DNAJC5B: variants seen among roughly 807,000 people sequenced by gnomAD.
DNAJC5B encodes the protein dnaJ homolog subfamily C member 5B.
Under a neutral mutation model 24.7 loss-of-function variants are expected in DNAJC5B, and 23 were observed. That is an observed-to-expected ratio of 0.93 (90% CI 0.67 to 1.32). The LOEUF (loss-of-function observed/expected upper bound fraction) is 1.32. Among genes scored for constraint, DNAJC5B ranks in the 40% most tolerant of loss-of-function variants. The pLI is 0.00. For synonymous variants in DNAJC5B, 101 were observed against 90.1 expected (o/e 1.12, Z -0.68); for missense variants, 238 against 240.8 (o/e 0.99, Z 0.08).
chr8:66,079,141 G>A (rs954240205), intron 4 of DNAJC5B, among the ~76,000 whole-genome samples: 1 of 152,144 alleles, frequency 6.6e-6, no homozygotes, highest in East Asian at 1.9e-4. Flanking sequence ...AACAAACAGC[G>A]AGCAAACCTT....
the DNAJC5B span, among the ~76,000 whole-genome samples, chr8:66,015,576 A>G: frequency 6.6e-6 from 1 of 151,960 alleles, no homozygotes; most frequent in African/African-American, 2.4e-5. Flanking sequence ...AGAGAGAGAC[A>G]GAGACAGAGA....
chr8:66,020,652 G>GTGTT (rs1806093271), upstream of DNAJC5B, among the ~76,000 whole-genome samples: 1 of 135,020 alleles, frequency 7.4e-6, no homozygotes, highest in African/African-American at 2.7e-5. Flanking sequence ...GTGTGTGTGT[G>GTGTT]TTTTAGACAA....
chr8:66,030,952 A>C (rs1806347661), intron 1 of DNAJC5B, among the ~76,000 whole-genome samples: 2 of 152,218 alleles, frequency 1.3e-5, no homozygotes, highest in Admixed American at 1.3e-4. Flanking sequence ...GAGGCTGCTC[A>C]CAGTCCTCCC....
chr8:66,035,907 C>A (rs1349576522), intron 1 of DNAJC5B, among the ~76,000 whole-genome samples: 1 of 152,158 alleles, frequency 6.6e-6, no homozygotes, highest in African/African-American at 2.4e-5. Context: ...ACCTCCAGCA[C>A]ATGTTTTCTT....
intron 3 of DNAJC5B, among the ~76,000 whole-genome samples, chr8:66,052,024 G>A (rs1033365981): frequency 3.3e-5 from 5 of 151,922 alleles, no homozygotes; most frequent in African/African-American, 1.2e-4. Flanking sequence ...GAGTGCAGTG[G>A]TGCAATCTTG....
chr8:66,039,430 C>T (rs753725933), intron 1 of DNAJC5B, among the ~76,000 whole-genome samples: 1 of 150,466 alleles, frequency 6.6e-6, no homozygotes, highest in Non-Finnish European at 1.5e-5. Context: ...CTCACTGCAA[C>T]CTCTGCCTCC....
chr8:66,049,541 T>A (rs974949588), intron 2 of DNAJC5B, among the ~76,000 whole-genome samples: 5 of 152,224 alleles, frequency 3.3e-5, no homozygotes, highest in Non-Finnish European at 7.3e-5. Context: ...CTATACCATA[T>A]AGCCTTGGTG....
chr8:66,032,804 C>A (rs1806387568), intron 1 of DNAJC5B, among the ~76,000 whole-genome samples: 1 of 152,176 alleles, frequency 6.6e-6, no homozygotes, highest in South Asian at 2.1e-4. Context: ...TCCTCATTTT[C>A]CATTTCCACT....
At chr8:66,036,600 G>A (rs919651224) in intron 1 of DNAJC5B, among the ~76,000 whole-genome samples, 1 of 152,122 alleles carries the variant, frequency 6.6e-6, no homozygotes, top group Non-Finnish European at 1.5e-5. Flanking sequence ...CAGGCACATG[G>A]AAAATCAAGG....
At chr8:66,090,283 T>TGGG (rs1807820851) in intron 5 of DNAJC5B, among the ~76,000 whole-genome samples, 3 of 122,114 alleles carry the variant, frequency 2.5e-5, no homozygotes, top group African/African-American at 2.9e-5. Flanking sequence ...GTGTGTGTGG[T>TGGG]AGAGAGAGAG....
At chr8:66,091,791 C>A (rs1586119109) in intron 5 of DNAJC5B, among the ~76,000 whole-genome samples, 1 of 151,726 alleles carries the variant, frequency 6.6e-6, no homozygotes, top group Middle Eastern at 3.4e-3. Flanking sequence ...GTGAAAAATG[C>A]AAAAATATAG....
intron 5 of DNAJC5B, 83 bp downstream of exon 5, chr8:66,080,631 T>C (rs1036678444): frequency 6.3e-6 from 8 of 1,268,866 alleles, no homozygotes; most frequent in Non-Finnish European, 7.4e-6. Context: ...CAGCTATCAC[T>C]ATAGTAGGAG....
At chr8:66,041,906 G>A (rs73241300) in intron 1 of DNAJC5B, among the ~76,000 whole-genome samples, 3,956 of 152,110 alleles carry the variant, frequency 0.026, 187 homozygotes, top group African/African-American at 0.091. Context: ...TAATTTCTCC[G>A]ACTTAAGCAC....
At chr8:66,065,197 T>C (rs1201091406) in intron 3 of DNAJC5B, among the ~76,000 whole-genome samples, 1 of 152,258 alleles carries the variant, frequency 6.6e-6, no homozygotes, top group Non-Finnish European at 1.5e-5. Flanking sequence ...CTACGGTTCG[T>C]GTTGTTATCT....
intron 5 of DNAJC5B, among the ~76,000 whole-genome samples, chr8:66,097,587 A>G (rs947616394): frequency 5.3e-5 from 8 of 151,466 alleles, no homozygotes; most frequent in African/African-American, 1.9e-4. Context: ...TTCATCTGAT[A>G]ACTGTTTCTG....
intron 5 of DNAJC5B, among the ~76,000 whole-genome samples, chr8:66,093,866 A>G (rs754128847): frequency 6.6e-6 from 1 of 152,178 alleles, no homozygotes; most frequent in South Asian, 2.1e-4. Context: ...TTTCACATAT[A>G]AGAGTTTAAT....
intron 5 of DNAJC5B, among the ~76,000 whole-genome samples, chr8:66,098,295 T>A (rs1807997906): frequency 6.6e-6 from 1 of 152,148 alleles, no homozygotes; most frequent in African/African-American, 2.4e-5. Context: ...CTCTGCCTCC[T>A]GGGTTCAAGC....
At chr8:66,093,208 G>T (rs1264419347) in intron 5 of DNAJC5B, among the ~76,000 whole-genome samples, 1 of 152,124 alleles carries the variant, frequency 6.6e-6, no homozygotes, top group African/African-American at 2.4e-5. Flanking sequence ...GAATGTTCTT[G>T]CATGTATTTT....
At chr8:66,077,873 T>C (rs1427853005) in intron 4 of DNAJC5B, among the ~76,000 whole-genome samples, 1 of 152,240 alleles carries the variant, frequency 6.6e-6, no homozygotes, top group Non-Finnish European at 1.5e-5. Flanking sequence ...ATACCTGGGA[T>C]TCCCCTTTGA....
Sources: gnomAD v4.1 joint callset for allele counts (sites outside exome capture counted in the v4.1 genomes callset) on GRCh38, gnomAD v4.1.1 for gene constraint, MANE v1.5 for transcripts, NCBI Gene and HGNC (gene_info 2026-07-23, HGNC 2026-07-21) for gene names.